Variants in BMS1 observed in about 807,000 individuals in gnomAD.
BMS1 encodes BMS1 ribosome biogenesis factor.
In BMS1, 53 loss-of-function variants were observed where a neutral mutation model predicts 138.7. The observed-to-expected ratio is 0.38, with a 90% CI of 0.31 to 0.48. The LOEUF is 0.48. BMS1 is among the 20% of genes least tolerant of loss of function. The pLI, the probability that BMS1 is intolerant of heterozygous loss-of-function variation, is 0.97. For synonymous variants in BMS1, 504 were observed against 539.9 expected (o/e 0.93, Z 0.92); for missense variants, 1,360 against 1,565.5 (o/e 0.87, Z 2.22).
At chr10:42,786,706 G>A (rs1241589255) in intron 3 of BMS1, among the ~76,000 whole-genome samples, 1 of 151,988 alleles carries the variant, frequency 6.6e-6, no homozygotes, top group Non-Finnish European at 1.5e-5. Flanking sequence ...GACTACAGGC[G>A]AGAGCTACTG....
intron 10 of BMS1, 60 bp downstream of exon 10, chr10:42,797,291 G>A (rs1841720281): frequency 6.3e-7 from 1 of 1,577,642 alleles, no homozygotes; most frequent in East Asian, 2.2e-5. Context: ...GTAACCAAAG[G>A]AATGTCTACA....
intron 21 of BMS1, among the ~76,000 whole-genome samples, chr10:42,826,474 G>A (rs1046722924): frequency 4.6e-5 from 7 of 152,116 alleles, no homozygotes; most frequent in African/African-American, 1.2e-4. Flanking sequence ...CAGTCTCTAC[G>A]AGGCCAGGCG....
At chr10:42,817,181 G>C in intron 14 of BMS1, 137 bp from the exon 15 acceptor site, 2 of 702,246 alleles carry the variant, frequency 2.8e-6, no homozygotes, top group Non-Finnish European at 4.8e-6. Flanking sequence ...AGGTTGTGTT[G>C]TGTTTTCTTT....
chr10:42,791,700 G>A lies in BMS1; in HGVS notation c.710G>A (p.Arg237His), dbSNP rs2272881. The A allele has an allele frequency of 3.7e-3, 5,929 of 1,613,602 alleles. 121 individuals carry two copies. In the East Asian group the frequency reaches 0.059, roughly 16 times the overall value. Residue 237 changes from arginine to histidine, a missense_variant, in exon 6 of 23, where the codon CGT becomes CAT. Arg to His is a conservative substitution (Grantham distance 29). Transcript: ENST00000374518. ...AACCAAGAAATCCACAATCTGGGCC[G>A]TTTTATTACAGTTATGAAGTTTAGG... Reference protein sequence around the residue: ...YQNQEIHNLGRFITVMKFRPL... With the variant: ...YQNQEIHNLGHFITVMKFRPL...
intron 13 of BMS1, among the ~76,000 whole-genome samples, chr10:42,815,840 A>G (rs916656738): frequency 4.6e-5 from 7 of 152,240 alleles, no homozygotes; most frequent in South Asian, 2.1e-4. Context: ...TCTAAATGCT[A>G]TGTTTTATAT....
Position 42,792,971 on chromosome 10 carries a change from G to C in BMS1, c.916G>C (p.Ala306Pro). 1.2e-6 allele frequency: 2 copies of C among 1,611,026 alleles called. No individual in the cohort carries two copies. The highest frequency in any genetic ancestry group is 1.7e-6 in the Non-Finnish European group (2 of 1,179,046). The change falls in exon 8 of 23, where the codon GCC (alanine) becomes CCC (proline). Residue 306 changes from alanine (A) to proline (P), a missense_variant. Around this residue, in one of 3 missense-constraint regions of BMS1, gnomAD observed 697 missense variants for 686.2 expected, o/e 1.02. Coordinates refer to ENST00000374518, the MANE Select transcript of BMS1 (RefSeq NM_014753.4). Reference sequence around the variant, plus strand: ...CTGTCTTCCAGGGGTAGGAGATTTTGCCGTGAGTGACATCAGTTTCCTCCC... The same window carrying C: ...CTGTCTTCCAGGGGTAGGAGATTTTCCCGTGAGTGACATCAGTTTCCTCCC... Reference protein sequence around the residue: ...QIHMPGVGDFAVSDISFLPDP... With the variant: ...QIHMPGVGDFPVSDISFLPDP...
intron 21 of BMS1, among the ~76,000 whole-genome samples, chr10:42,827,667 G>C (rs544506939): frequency 6.6e-6 from 1 of 152,122 alleles, no homozygotes; most frequent in South Asian, 2.1e-4. Context: ...GATGGGTGGT[G>C]GGGGGCAGAT....
chr10:42,787,999 C>T (rs779371892), intron 4 of BMS1, among the ~76,000 whole-genome samples: 1 of 152,014 alleles, frequency 6.6e-6, no homozygotes, highest in African/African-American at 2.4e-5. Flanking sequence ...GTGACAGACA[C>T]CTTGATTTTT....
At chr10:42,788,346 C>CT (rs778050546) in intron 4 of BMS1, among the ~76,000 whole-genome samples, 1 of 151,686 alleles carries the variant, frequency 6.6e-6, no homozygotes, top group Non-Finnish European at 1.5e-5. Context: ...GATACCTTTA[C>CT]TTTTTTTTAT....
intron 13 of BMS1, among the ~76,000 whole-genome samples, chr10:42,805,054 C>T (rs1372626483): frequency 6.6e-6 from 1 of 152,148 alleles, no homozygotes; most frequent in East Asian, 1.9e-4. Flanking sequence ...TTTCATAGTG[C>T]ATGTAAGAAA....
intron 15 of BMS1, among the ~76,000 whole-genome samples, chr10:42,818,655 GGTT>G (rs937990717): frequency 7.2e-5 from 11 of 152,196 alleles, no homozygotes; most frequent in African/African-American, 2.7e-4. Flanking sequence ...GATGATGTTT[GGTT>G]CGGCTGGGTA....
intron 13 of BMS1, among the ~76,000 whole-genome samples, chr10:42,812,800 A>G (rs973977507): frequency 2.0e-5 from 3 of 152,194 alleles, no homozygotes; most frequent in Non-Finnish European, 2.9e-5. Flanking sequence ...GGGGAATGCA[A>G]TTGGCTTGTT....
intron 1 of BMS1, among the ~76,000 whole-genome samples, chr10:42,783,143 G>A (rs1301813050): frequency 6.6e-6 from 1 of 152,062 alleles, no homozygotes; most frequent in East Asian, 1.9e-4. Context: ...TTCCCACCAA[G>A]AAGAAAGACA....
In BMS1 at chr10:42,798,542, G is replaced by A; in HGVS notation, c.2164G>A (p.Asp722Asn). The change falls in exon 12 of 23, where the codon GAC (aspartate) becomes AAC (asparagine). Residue 722 changes from aspartate (D) to asparagine (N), a missense_variant. Transcript: ENST00000374518. ...AGGGTTGTTTCGTGTCAACCAGCCT[G>A]ACAGAGAGTGTAAGCACAAGGCTGA... Reference protein sequence around the residue: ...LGGLFRVNQPDRECKHKADSL... With the variant: ...LGGLFRVNQPNRECKHKADSL... 1 of 1,614,236 alleles carries A rather than the reference G, an allele frequency of 6.2e-7. No homozygotes were observed. The highest frequency in any genetic ancestry group is 8.5e-7 in the Non-Finnish European group (1 of 1,180,046).
At chr10:42,829,682 C>T (rs1245013484) in intron 21 of BMS1, among the ~76,000 whole-genome samples, 2 of 151,804 alleles carry the variant, frequency 1.3e-5, no homozygotes, top group African/African-American at 2.4e-5. Context: ...ATTAGCCGGG[C>T]GTGGTGGTGT....
intron 13 of BMS1, 79 bp downstream of exon 13, chr10:42,802,297 A>C: frequency 8.1e-7 from 1 of 1,228,182 alleles, no homozygotes; most frequent in Non-Finnish European, 1.2e-6. Flanking sequence ...CAATAGTCAA[A>C]TTGAAAATAA....
intron 12 of BMS1, 82 bp from the exon 13 acceptor site, chr10:42,802,055 G>C: frequency 9.5e-7 from 1 of 1,049,786 alleles, no homozygotes; most frequent in Non-Finnish European, 1.4e-6. Context: ...TTAAAGGCAA[G>C]TTGTCACCTA....
chr10:42,802,130 G>A lies in BMS1; in HGVS notation c.2248-7G>A, dbSNP rs748386669. Reference sequence around the variant, plus strand: ...ACCTCACCTAAGTGCTGACTTTTCTGCGTAAGGTTATGAACAGTATCAGAG... The same window carrying A: ...ACCTCACCTAAGTGCTGACTTTTCTACGTAAGGTTATGAACAGTATCAGAG... On this transcript the variant is annotated splice_polypyrimidine_tract_variant and splice_region_variant and intron_variant, in intron 12 of 22. Coordinates refer to ENST00000374518, the MANE Select transcript of BMS1 (RefSeq NM_014753.4). The A allele has an allele frequency of 6.3e-7, 1 of 1,596,492 alleles. No homozygotes were observed. The highest frequency in any genetic ancestry group is 8.5e-7 in the Non-Finnish European group (1 of 1,170,474).
At chr10:42,785,379 G>A in intron 2 of BMS1, 103 bp from the exon 3 acceptor site, 1 of 956,692 alleles carries the variant, frequency 1.0e-6, no homozygotes, top group East Asian at 2.7e-5. Flanking sequence ...AGTACTCATA[G>A]CTATAAGTGT....
Sources: allele counts gnomAD v4.1 joint callset (sites outside exome capture counted in the v4.1 genomes callset), GRCh38; gene constraint gnomAD v4.1.1; regional missense constraint gnomAD v4.1.1; transcripts MANE v1.5; gene names NCBI Gene and HGNC (gene_info 2026-07-23, HGNC 2026-07-21).